The following SCRIB variants were observed in gnomAD, a reference collection of about 807,000 sequenced individuals.
SCRIB encodes protein scribble homolog.
A neutral mutation model predicts 170.0 loss-of-function variants in SCRIB; 72 were observed. The ratio of observed to expected loss-of-function variants is 0.42; its 90% CI spans 0.35 to 0.52. SCRIB has a LOEUF of 0.52. Ranked by LOEUF, SCRIB falls within the 20% of genes least tolerant of loss-of-function variation. The pLI is 0.02. For missense variants in SCRIB, 2,475 were observed against 2,338.5 expected (o/e 1.06, Z -1.20); for synonymous variants, 1,298 against 1,044.3 (o/e 1.24, Z -4.68).
rs773044785 is a variant in SCRIB at position 143,812,388 on chromosome 8, G to T, written c.788-4C>A. The T allele has an allele frequency of 6.2e-7, 1 of 1,600,052 alleles. No homozygotes were observed. Among genetic ancestry groups the T allele is most frequent in the Non-Finnish European group, 8.6e-7 (1 of 1,167,426 alleles). The stretch of plus-strand genomic sequence containing the variant: ...ATGGATAGCTGCTTCAGCTGACCTG[G>T]CGTCGGGGAGACAGGGGGACAAGGC... On this transcript the variant is annotated splice_polypyrimidine_tract_variant and splice_region_variant and intron_variant, in intron 8 of 36. Transcript: ENST00000356994.
At chr8:143,802,632 C>T (rs1450353711) in intron 24 of SCRIB, among the ~76,000 whole-genome samples, 11 of 152,238 alleles carry the variant, frequency 7.2e-5, no homozygotes, top group Non-Finnish European at 1.6e-4. Flanking sequence ...AGCCTGCACA[C>T]CCTGGCGCCA....
Position 143,813,331 on chromosome 8 carries a change from C to A in SCRIB, c.547G>T (p.Gly183Cys). 6.2e-7 allele frequency: 1 copy of A among 1,613,614 alleles called. No homozygotes were observed. ...CGCACCAGCACTTCCAGATCGTTGC[C>A]TCCCAGATCCAGCTGTTCCAGCTTG... is the stretch of plus-strand genomic sequence containing the variant. ...LVKLEQLDLG[G>C]NDLEVLPDTL... Residue 183 changes from glycine to cysteine, a missense_variant, in exon 6 of 37, where the codon GGC (glycine) becomes TGC (cysteine). By Grantham distance (159) the Gly-to-Cys change is radical. Around this residue, in one of 3 missense-constraint regions of SCRIB, gnomAD observed 487 missense variants for 558.1 expected, o/e 0.87. Coordinates refer to ENST00000356994, the MANE Select transcript of SCRIB (RefSeq NM_182706.5).
intron 16 of SCRIB, among the ~76,000 whole-genome samples, chr8:143,807,282 T>C (rs1179474239): frequency 2.6e-5 from 4 of 152,106 alleles, no homozygotes; most frequent in African/African-American, 9.7e-5. Context: ...CCTGCCACCC[T>C]CGAGTGAGGA....
Position 143,813,377 on chromosome 8 carries a change from G to A in SCRIB, c.504-3C>T, listed in dbSNP as rs1476490067. The A allele has an allele frequency of 1.2e-5, 20 of 1,613,444 alleles. No individual in the cohort carries two copies. Among genetic ancestry groups the A allele is most frequent in the East Asian group, 4.5e-5 (2 of 44,894 alleles). The stretch of plus-strand genomic sequence containing the variant: ...GCTTGACCAGAAATGACAGGGACCT[G>A]CAGAGGAAGCAGGGTGGAGGTGTGG... On this transcript the variant is annotated splice_polypyrimidine_tract_variant and splice_region_variant and intron_variant, in intron 5 of 36. Coordinates refer to ENST00000356994, the MANE Select transcript of SCRIB (RefSeq NM_182706.5).
Position 143,792,839 on chromosome 8 carries a change from G to T in SCRIB, c.4046C>A (p.Pro1349Gln). ...CCGCTCCCGGAAGGACAGCTGCTCC[G>T]GGGAGGCTGCAGGCCCAGGCGTGGG... ...QPPTPGPAAS[P>Q]EQLSFRERQK... is the part of the protein sequence containing the mutation. The change falls in exon 30 of 37, where the codon CCG (proline) becomes CAG (glutamine). Residue 1349 changes from proline (P) to glutamine (Q), a missense_variant. Coordinates refer to ENST00000356994, the MANE Select transcript of SCRIB (RefSeq NM_182706.5). 6.5e-7 allele frequency: 1 copy of T among 1,535,848 alleles called. No individual in the cohort carries two copies.
chr8:143,792,501 G>C lies in SCRIB; in HGVS notation c.4312C>G (p.Pro1438Ala). 2 of 1,549,610 alleles carry C rather than the reference G, an allele frequency of 1.3e-6. No individual in the cohort carries two copies. The highest frequency in any genetic ancestry group is 1.7e-6 in the Non-Finnish European group (2 of 1,153,604). ...QEDEQPPWAS[P>A]SPTSRQSPAS... The stretch of plus-strand genomic sequence containing the variant: ...GGTGCTCACCTTGAGGTGGGGCTCG[G>C]GCTGGCCCAGGGTGGCTGCTCATCC... The change falls in exon 31 of 37, where the codon CCG becomes GCG. Residue 1438 changes from proline (P) to alanine (A), a missense_variant. Coordinates refer to ENST00000356994, the MANE Select transcript of SCRIB (RefSeq NM_182706.5).
intron 15 of SCRIB, among the ~76,000 whole-genome samples, chr8:143,807,985 T>A (rs1298602638): frequency 6.6e-6 from 1 of 151,902 alleles, no homozygotes; most frequent in Admixed American, 6.5e-5. Context: ...TTGTGACCCA[T>A]GGAGAGGAGA....
rs888338021 is a variant in SCRIB at position 143,802,793 on chromosome 8, C to T, written c.3603+590G>A. The stretch of plus-strand genomic sequence containing the variant: ...GGTGGGGAGGACTCCTGGGGCCCCA[C>T]CTCGCATCCCAACTCCCCGTCTGGG... On this transcript the variant is annotated intron_variant, in intron 24 of 36. Coordinates refer to ENST00000356994, the MANE Select transcript of SCRIB (RefSeq NM_182706.5). 7.2e-5 allele frequency among the ~76,000 whole-genome samples: 11 copies of T among 152,352 alleles called. No homozygotes were observed. In the South Asian group the frequency reaches 1.7e-3, roughly 23 times the overall value.
intron 24 of SCRIB, among the ~76,000 whole-genome samples, chr8:143,798,552 A>G (rs1554634475): frequency 6.6e-6 from 1 of 152,204 alleles, no homozygotes; most frequent in African/African-American, 2.4e-5. Context: ...CTCCTGTTTC[A>G]GCCTCCTGAA....
chr8:143,792,285 A>G lies in SCRIB; in HGVS notation c.4449T>C (p.Arg1483=), dbSNP rs782043319. Residue 1483 remains arginine, a synonymous_variant, in exon 32 of 37, where the codon CGT becomes CGC. Transcript: ENST00000356994. The part of the protein sequence containing the change: ...VQSPEPPAPE[R]ALSPAELRAL... ...CCCGGAGCTCGGCAGGGGACAGGGC[A>G]CGCTCGGGTGCCGGTGGCTCCGGAC... 2 of 1,565,656 alleles carry G rather than the reference A, an allele frequency of 1.3e-6. No homozygotes were observed. Among genetic ancestry groups the G allele is most frequent in the Non-Finnish European group, 1.7e-6 (2 of 1,163,148 alleles).
Position 143,807,606 on chromosome 8 carries a change from C to T in SCRIB, c.2124G>A (p.Ser708=), listed in dbSNP as rs1554636926. ...TCAGCAGGTTATTGGCCTGGTCAAA[C>T]GACACTCCCTGTTAGGACAGGACCA... The part of the protein sequence containing the change: ...VVSAPSVKGV[S]FDQANNLLIE... The change falls in exon 16 of 37, where the codon TCG becomes TCA. Residue 708 remains serine, a synonymous_variant. Coordinates refer to ENST00000356994, the MANE Select transcript of SCRIB (RefSeq NM_182706.5). The T allele has an allele frequency of 3.7e-6, 6 of 1,613,822 alleles. No homozygotes were observed. The highest frequency in any genetic ancestry group is 1.3e-5 in the African/African-American group (1 of 74,998).
At chr8:143,813,256 G>A (rs1362157236) in intron 6 of SCRIB, 55 bp downstream of exon 6, 1 of 1,607,106 alleles carries the variant, frequency 6.2e-7, no homozygotes, top group Non-Finnish European at 8.5e-7. Flanking sequence ...CCCCTTCTTT[G>A]CCCTTGCTTC....
chr8:143,801,054 G>A (rs1420180040), intron 24 of SCRIB, among the ~76,000 whole-genome samples: 1 of 152,242 alleles, frequency 6.6e-6, no homozygotes, highest in Non-Finnish European at 1.5e-5. Context: ...CAAAGTGAGG[G>A]ATTTAAATGC....
intron 24 of SCRIB, among the ~76,000 whole-genome samples, chr8:143,801,079 G>T (rs1190712117): frequency 2.0e-5 from 3 of 152,264 alleles, no homozygotes; most frequent in African/African-American, 7.2e-5. Flanking sequence ...CATTGGCCCA[G>T]AAGTAGCTCA....
rs780096749 is a variant in SCRIB, at chr8:143,809,051, GC to G, written c.1699-27del. The G allele has an allele frequency of 4.4e-6, 7 of 1,587,730 alleles. 1 individual carries two copies. The Admixed American group carries it at 1.2e-4, about 27-fold the overall frequency. On this transcript the variant is annotated intron_variant, in intron 14 of 36. Coordinates refer to ENST00000356994, the MANE Select transcript of SCRIB (RefSeq NM_182706.5). ...CTGTGCGGACAAAAGGGTGAGGGTG[GC>G]CCCAGCTCTGTGGCTGTGCTTCCAC...
In SCRIB at chr8:143,792,287, G is replaced by A. The variant is rs782737376; in HGVS notation, c.4447C>T (p.Arg1483Cys). 3.2e-5 allele frequency: 50 copies of A among 1,564,800 alleles called. No homozygotes were observed. Among genetic ancestry groups the A allele is most frequent in the East Asian group, 7.0e-5 (3 of 42,878 alleles). ...VQSPEPPAPE[R>C]ALSPAELRAL... ...CGGAGCTCGGCAGGGGACAGGGCAC[G>A]CTCGGGTGCCGGTGGCTCCGGACTC... Residue 1483 changes from arginine to cysteine, a missense_variant, in exon 32 of 37, where the codon CGT (arginine) becomes TGT (cysteine). Physicochemically the swap from Arg to Cys is radical, Grantham distance 180 (BLOSUM62 -3). Around this residue, in one of 3 missense-constraint regions of SCRIB, gnomAD observed 1,966 missense variants for 1,742.9 expected, o/e 1.13. Transcript: ENST00000356994.
At chr8:143,793,988 T>C in intron 27 of SCRIB, 26 bp from the exon 28 acceptor site, 1 of 1,608,058 alleles carries the variant, frequency 6.2e-7, no homozygotes, top group Non-Finnish European at 8.5e-7. Context: ...GTGGGTGGGG[T>C]GAGGATGGGC....
chr8:143,808,156 C>A (rs1387625206), intron 15 of SCRIB, among the ~76,000 whole-genome samples: 1 of 152,154 alleles, frequency 6.6e-6, no homozygotes, highest in Non-Finnish European at 1.5e-5. Context: ...AGGAACAGAC[C>A]CTGCCCTGGG....
chr8:143,812,465 G>C, intron 8 of SCRIB, 81 bp from the exon 9 acceptor site: 1 of 1,108,032 alleles, frequency 9.0e-7, no homozygotes, highest in East Asian at 2.4e-5. Flanking sequence ...GCGCCCTCAA[G>C]GCAGACAGCA....
Sources: allele counts gnomAD v4.1 joint callset (sites outside exome capture counted in the v4.1 genomes callset), GRCh38; gene constraint gnomAD v4.1.1; regional missense constraint gnomAD v4.1.1; transcripts MANE v1.5; gene names NCBI Gene and HGNC (gene_info 2026-07-23, HGNC 2026-07-21).